The following DNAH8 variants were observed in gnomAD, a reference collection of about 807,000 sequenced individuals.
DNAH8 encodes axonemal beta dynein heavy chain 8.
A neutral mutation model predicts 562.1 loss-of-function variants in DNAH8; 382 were observed. The ratio of observed to expected loss-of-function variants is 0.68; its 90% CI spans 0.63 to 0.74. The LOEUF is 0.74. Ranked by LOEUF, DNAH8 falls within the 30% of genes least tolerant of loss-of-function variation. The probability of loss-of-function intolerance (pLI) is 0.00; values close to 1 mark genes in which losing one functional copy is unlikely to be tolerated. For missense variants in DNAH8, 5,203 were observed against 5,620.4 expected, an observed-to-expected ratio of 0.93 and a Z score of 2.37; for synonymous variants, 1,881 against 1,919.4, an observed-to-expected ratio of 0.98 and a Z score of 0.52.
At chr6:38,716,627 C>T (rs1762368538) in intron 1 of DNAH8, 1 of 152,188 alleles carries the variant, frequency 6.6e-6, no homozygotes, top group African/African-American at 2.4e-5. Flanking sequence ...CATTGACCAT[C>T]TTGTGTTGTA....
At chr6:38,997,719 A>C (rs1212953678) in intron 88 of DNAH8, among the ~76,000 whole-genome samples, 1 of 152,124 alleles carries the variant, frequency 6.6e-6, no homozygotes, top group Non-Finnish European at 1.5e-5. Context: ...CTGACCATCC[A>C]TGGTGTTCAA....
At chr6:38,896,533 T>C (rs940564074) in intron 60 of DNAH8, among the ~76,000 whole-genome samples, 2 of 151,784 alleles carry the variant, frequency 1.3e-5, no homozygotes, top group Non-Finnish European at 2.9e-5. Flanking sequence ...TGTGATTGTG[T>C]CACTGCACTC....
chr6:39,020,403 C>G (rs1449433226), intron 91 of DNAH8, among the ~76,000 whole-genome samples: 1 of 152,158 alleles, frequency 6.6e-6, no homozygotes, highest in African/African-American at 2.4e-5. Context: ...CCTGCCTCCA[C>G]AGTAAAATCA....
rs1764525835 is a variant in DNAH8 at position 38,741,582 on chromosome 6, TGA to T, written c.1117-125_1117-124del. ...ACATTCTCCTCTAGTCTTCATTTAC[TGA>T]GAGTTTTTAAACATTATTTGGTATT... On this transcript the variant is annotated intron_variant, in intron 7 of 92. Transcript: ENST00000327475. 1.5e-5 allele frequency: 11 copies of T among 714,014 alleles called. No homozygotes were observed. In the South Asian group the frequency reaches 1.8e-4, roughly 12 times the overall value. The allele number at this position is 714,014 out of a possible 1,614,324, so 44.2% of individuals were successfully genotyped here.
chr6:38,969,662 G>A (rs1004311133), intron 82 of DNAH8, among the ~76,000 whole-genome samples: 1 of 144,888 alleles, frequency 6.9e-6, no homozygotes, highest in African/African-American at 2.5e-5. Context: ...TATGGATGGA[G>A]GAAAGTGAAT....
rs778661149 is a variant in DNAH8 at position 38,717,662 on chromosome 6, AAGTT to A, written c.-35+2250_-35+2253del. On this transcript the variant is annotated intron_variant, in intron 1 of 92. Coordinates refer to ENST00000327475, the MANE Select transcript of DNAH8 (RefSeq NM_001206927.2). Reference sequence around the variant, plus strand: ...TTTTTTTAGAAAAGAACCATACAGAAAGTTAGGAAATTGGAAAGTAAAAATTCTT... The same window carrying A: ...TTTTTTTAGAAAAGAACCATACAGAAAGGAAATTGGAAAGTAAAAATTCTT... 2.1e-3 allele frequency among the ~76,000 whole-genome samples: 313 copies of A among 151,740 alleles called. 4 individuals are homozygous for A. The highest frequency in any genetic ancestry group is 4.3e-3 in the East Asian group (22 of 5,162).
intron 91 of DNAH8, among the ~76,000 whole-genome samples, chr6:39,024,662 A>G (rs537291217): frequency 6.6e-6 from 1 of 152,298 alleles, no homozygotes; most frequent in South Asian, 2.1e-4. Flanking sequence ...CCCTGTCTCT[A>G]AAATAATAAA....
chr6:38,866,981 CTT>C, intron 47 of DNAH8, 105 bp downstream of exon 47: 1 of 625,116 alleles, frequency 1.6e-6, no homozygotes, highest in South Asian at 2.2e-5. Flanking sequence ...CTCATTGACT[CTT>C]TTCTAAAATG....
intron 12 of DNAH8, among the ~76,000 whole-genome samples, chr6:38,773,256 ACCCCT>A (rs1312097085): frequency 8.5e-6 from 1 of 117,478 alleles, no homozygotes; most frequent in Non-Finnish European, 2.1e-5. Flanking sequence ...GGTCTCAGTT[ACCCCT>A]ACCCCTATTT....
At chr6:38,870,619 G>A in intron 49 of DNAH8, 57 bp downstream of exon 49, 1 of 1,512,820 alleles carries the variant, frequency 6.6e-7, no homozygotes, top group Non-Finnish European at 9.0e-7. Context: ...AAACATTCCT[G>A]TCTGAATAGA....
intron 23 of DNAH8, among the ~76,000 whole-genome samples, chr6:38,807,207 G>A (rs949662725): frequency 6.6e-6 from 1 of 152,170 alleles, no homozygotes; most frequent in African/African-American, 2.4e-5. Flanking sequence ...TATCCACCAA[G>A]CTGAGCTTCT....
In DNAH8 at chr6:38,828,066, C is replaced by G. The variant is rs867018278; in HGVS notation, c.4084-118C>G. ...CATACACTTTTAATTTTGGAAACCACTTTTCTAGAACATGCTGTCTTCTTC... is the reference window on the plus strand; with the variant it reads ...CATACACTTTTAATTTTGGAAACCAGTTTTCTAGAACATGCTGTCTTCTTC... On this transcript the variant is annotated intron_variant, in intron 29 of 92. Coordinates refer to ENST00000327475, the MANE Select transcript of DNAH8 (RefSeq NM_001206927.2). The G allele has an allele frequency of 8.7e-5, 61 of 700,320 alleles. No individual in the cohort carries two copies. In the Middle Eastern group the frequency reaches 1.9e-3, roughly 22 times the overall value. 43.4% of individuals were successfully genotyped at this position (700,320 alleles called of 1,614,324 possible).
chr6:38,777,775 C>A (rs890354380), intron 13 of DNAH8, among the ~76,000 whole-genome samples: 1 of 152,128 alleles, frequency 6.6e-6, no homozygotes, highest in African/African-American at 2.4e-5. Context: ...TCTTGTACGT[C>A]CTTAGCAGTG....
intron 49 of DNAH8, among the ~76,000 whole-genome samples, chr6:38,871,783 T>C (rs1777484464): frequency 6.6e-6 from 1 of 152,168 alleles, no homozygotes; most frequent in African/African-American, 2.4e-5. Context: ...CTGGAGCCAT[T>C]TTGTTGGCAG....
chr6:38,868,102 T>TGA lies in DNAH8; in HGVS notation c.6736_6737dup (p.Thr2247GlyfsTer16). On this transcript the variant is annotated frameshift_variant, in exon 48 of 93. Transcript: ENST00000327475. LOFTEE classifies it high-confidence loss of function. The stretch of plus-strand genomic sequence containing the variant: ...GGATTGAGAAATATTCTGTCTGTAT[T>TGA]GAGGACTCTTGGATCTCAAAAAAGA... 1 of 1,613,854 alleles carries TGA rather than the reference T, an allele frequency of 6.2e-7. No homozygotes were observed. The highest frequency in any genetic ancestry group is 8.5e-7 in the Non-Finnish European group (1 of 1,179,856).
intron 35 of DNAH8, among the ~76,000 whole-genome samples, chr6:38,843,758 AT>A (rs765576415): frequency 3.3e-5 from 5 of 151,782 alleles, no homozygotes; most frequent in African/African-American, 7.3e-5. Context: ...GGGTTTTGTA[AT>A]TTTTATTGGG....
chr6:38,848,073 C>T (rs1277707738), intron 36 of DNAH8, among the ~76,000 whole-genome samples: 3 of 152,152 alleles, frequency 2.0e-5, no homozygotes, highest in Admixed American at 2.0e-4. Flanking sequence ...TCTGGCTGTG[C>T]GGTCATCTTC....
chr6:38,851,762 A>G, intron 39 of DNAH8, 88 bp downstream of exon 39: 3 of 857,814 alleles, frequency 3.5e-6, no homozygotes, highest in Non-Finnish European at 5.7e-6. Flanking sequence ...TTAAAAATGC[A>G]GGCAGGAAAG....
chr6:38,795,581 G>GA (rs1554212768), intron 21 of DNAH8, among the ~76,000 whole-genome samples: 28,977 of 127,772 alleles, frequency 0.23, 3,219 homozygotes, highest in Middle Eastern at 0.26. Context: ...CTGTGTCTCA[G>GA]AAAAAAAAAA....
Sources: allele counts gnomAD v4.1 joint callset (sites outside exome capture counted in the v4.1 genomes callset), GRCh38; gene constraint gnomAD v4.1.1; transcripts MANE v1.5; gene names NCBI Gene and HGNC (gene_info 2026-07-23, HGNC 2026-07-21).